The following MTA1 variants were observed in gnomAD, a reference collection of about 807,000 sequenced individuals.
MTA1 encodes the protein metastasis-associated protein MTA1.
In MTA1, 15 loss-of-function variants were observed where a neutral mutation model predicts 97.0. The ratio of observed to expected loss-of-function variants is 0.15; its 90% confidence interval spans 0.10 to 0.24. The LOEUF (loss-of-function observed/expected upper bound fraction) is 0.24, where lower values mean the gene tolerates loss of function less well. Among genes scored for constraint, MTA1 ranks in the 10% least tolerant of loss-of-function variants. MTA1 has a pLI of 1.00. For missense variants in MTA1, 709 were observed against 1,015.1 expected (o/e 0.70, Z 4.10); for synonymous variants, 435 against 417.5 (o/e 1.04, Z -0.51).
chr14:105,440,525 T>A (rs1555425405), intron 2 of MTA1, among the ~76,000 whole-genome samples: 2 of 152,250 alleles, frequency 1.3e-5, no homozygotes, highest in Non-Finnish European at 2.9e-5. Context: ...GGCTTCCATG[T>A]GCAGACAGTA....
chr14:105,466,114 C>T (rs2083570913), intron 16 of MTA1: 2 of 416,578 alleles, frequency 4.8e-6, no homozygotes, highest in Admixed American at 4.2e-5. Context: ...GCGTGCTGTG[C>T]TCACGGGCCT....
In MTA1 at chr14:105,463,682, G is replaced by A; in HGVS notation, c.1076+131G>A. ...CTGGGAAAGTTGGGGCAGCCCCCGGGAGGGCGGCCCAGGGCTGGGGGGTTC... is the reference window on the plus strand; with the variant it reads ...CTGGGAAAGTTGGGGCAGCCCCCGGAAGGGCGGCCCAGGGCTGGGGGGTTC... On this transcript the variant is annotated intron_variant, in intron 12 of 20. Transcript: ENST00000331320. The surrounding 1 kb of genome is among the most constrained non-coding windows in gnomAD (Gnocchi z 5.9). The A allele has an allele frequency of 1.1e-6, 1 of 914,892 alleles. No homozygotes were observed. Among genetic ancestry groups the A allele is most frequent in the Non-Finnish European group, 1.7e-6 (1 of 584,886 alleles). 56.7% of individuals were successfully genotyped at this position (914,892 alleles called of 1,614,324 possible).
At chr14:105,429,452 A>ATTT (rs781947661) in intron 1 of MTA1, among the ~76,000 whole-genome samples, 3 of 138,466 alleles carry the variant, frequency 2.2e-5, no homozygotes, top group Non-Finnish European at 3.2e-5. Context: ...CACCCGGCTA[A>ATTT]TTTTTTTTTT....
intron 10 of MTA1, 37 bp downstream of exon 10, chr14:105,460,990 C>G (rs782616902): frequency 6.3e-7 from 1 of 1,582,694 alleles, no homozygotes; most frequent in East Asian, 2.2e-5. Context: ...AGTGGCTGGC[C>G]ATGCCCATCT....
rs781965632 is a variant in MTA1 at position 105,470,237 on chromosome 14, G to GC, written c.*28dup. On this transcript the variant is annotated 3_prime_UTR_variant, in exon 21 of 21. Coordinates refer to ENST00000331320, the MANE Select transcript of MTA1 (RefSeq NM_004689.4). The stretch of plus-strand genomic sequence containing the variant: ...CTAGGGGCCGCCCCCACCTGCGGCC[G>GC]CCCCCCGCCCCTCGCCCGCCCACAC... 8.2e-4 allele frequency: 1,175 copies of GC among 1,438,096 alleles called. 2 individuals are homozygous for GC. The highest frequency in any genetic ancestry group is 9.8e-4 in the Non-Finnish European group (1,074 of 1,098,290). The allele number at this position is 1,438,096 out of a possible 1,614,324, so 89.1% of individuals were successfully genotyped here.
chr14:105,438,544 C>T (rs1016471875), intron 1 of MTA1, 128 bp from the exon 2 acceptor site: 18 of 797,656 alleles, frequency 2.3e-5, no homozygotes, highest in East Asian at 7.3e-5. Context: ...GTTTATTCCT[C>T]GCCTGAGGGA....
At chr14:105,451,821 G>C (rs587667325) in intron 6 of MTA1, among the ~76,000 whole-genome samples, 1 of 116,444 alleles carries the variant, frequency 8.6e-6, no homozygotes, top group Non-Finnish European at 1.6e-5. Flanking sequence ...ACAGAGTTTC[G>C]CTCTTGTTGC....
intron 3 of MTA1, among the ~76,000 whole-genome samples, chr14:105,447,307 G>A (rs1159781016): frequency 2.6e-5 from 4 of 152,188 alleles, no homozygotes; most frequent in African/African-American, 4.8e-5. Flanking sequence ...AGGCGCCACC[G>A]TTGAGTTGGG....
In MTA1 at chr14:105,422,262, G is replaced by A. The variant is rs913251692; in HGVS notation, c.28+2199G>A. Among the ~76,000 whole-genome samples the A allele has an allele frequency of 6.6e-6, 1 of 152,080 alleles. No homozygotes were observed. Among genetic ancestry groups the A allele is most frequent in the Non-Finnish European group, 1.5e-5 (1 of 68,016 alleles). On this transcript the variant is annotated intron_variant, in intron 1 of 20. Transcript: ENST00000331320. This position sits in a 1 kb window ranked among gnomAD's most constrained non-coding sequence, Gnocchi z 4.3. ...GAACCCTGGGTTCCGGCAGGACCCC[G>A]GCAGAGCCCTGTGGTCGCAGTGGGC...
chr14:105,428,015 C>CA (rs11421824), intron 1 of MTA1, among the ~76,000 whole-genome samples: 5,092 of 109,824 alleles, frequency 0.046, 526 homozygotes, highest in African/African-American at 0.17. Flanking sequence ...GAGACTCTCT[C>CA]AAAAAAAAAA....
intron 1 of MTA1, among the ~76,000 whole-genome samples, chr14:105,425,740 G>A (rs868932545): frequency 5.3e-5 from 8 of 151,264 alleles, no homozygotes; most frequent in African/African-American, 1.9e-4. Flanking sequence ...CGGACTGGGG[G>A]ATCTTGGTGG....
At chr14:105,468,546 G>C (rs587715130) in intron 18 of MTA1, among the ~76,000 whole-genome samples, 1 of 152,202 alleles carries the variant, frequency 6.6e-6, no homozygotes, top group Non-Finnish European at 1.5e-5. Context: ...TTGGCCCCCA[G>C]GGGAGTGCCC....
chr14:105,450,173 C>A lies in MTA1; in HGVS notation c.357C>A (p.Ala119=). Residue 119 remains alanine (A), a synonymous_variant, in exon 5 of 21, where the codon GCC becomes GCA. Transcript: ENST00000331320. ...FLSRQLESLP[A]THIRGKCSVT... ...CCCGGCAGCTGGAGTCTCTGCCCGC[C>A]ACGCACATCAGGTAGCCCCCAGCAG... 1 of 1,613,066 alleles carries A rather than the reference C, an allele frequency of 6.2e-7. No homozygotes were observed. Among genetic ancestry groups the A allele is most frequent in the Middle Eastern group, 1.7e-4 (1 of 6,058 alleles).
chr14:105,435,861 A>T (rs369460030), intron 1 of MTA1, among the ~76,000 whole-genome samples: 1 of 152,214 alleles, frequency 6.6e-6, no homozygotes, highest in Non-Finnish European at 1.5e-5. Context: ...TTCTCGTGTC[A>T]GTAGGATCCG....
At chr14:105,461,006 T>C in intron 10 of MTA1, 53 bp downstream of exon 10, 1 of 1,558,542 alleles carries the variant, frequency 6.4e-7, no homozygotes, top group East Asian at 2.2e-5. Flanking sequence ...CATCTCCAGG[T>C]AGGCTGCGGG....
chr14:105,462,796 G>C (rs372650341), intron 10 of MTA1, among the ~76,000 whole-genome samples: 1 of 152,066 alleles, frequency 6.6e-6, no homozygotes, highest in African/African-American at 2.4e-5. Context: ...TTGAACCCGG[G>C]AGGCAGAGGT....
At chr14:105,452,936 G>C (rs1419391017) in intron 6 of MTA1, among the ~76,000 whole-genome samples, 1 of 152,218 alleles carries the variant, frequency 6.6e-6, no homozygotes, top group African/African-American at 2.4e-5. Context: ...GGATGACCTG[G>C]AAACGGGAGG....
intron 10 of MTA1, 80 bp downstream of exon 10, chr14:105,461,033 C>A (rs2083328585): frequency 5.7e-6 from 8 of 1,415,774 alleles, no homozygotes; most frequent in Non-Finnish European, 5.8e-6. Flanking sequence ...GGCTCCACAT[C>A]CCACTCTGCC....
At chr14:105,457,088 G>A (rs1014135995) in intron 7 of MTA1, among the ~76,000 whole-genome samples, 10 of 152,230 alleles carry the variant, frequency 6.6e-5, no homozygotes, top group Admixed American at 2.6e-4. Flanking sequence ...CCCGCACTCC[G>A]TGGTCCTTGG....
Sources: allele counts gnomAD v4.1 joint callset (sites outside exome capture counted in the v4.1 genomes callset), GRCh38; gene constraint gnomAD v4.1.1; non-coding constraint Gnocchi (gnomAD v3.1); transcripts MANE v1.5; gene names NCBI Gene and HGNC (gene_info 2026-07-23, HGNC 2026-07-21).